The following TRERF1 variants were observed in gnomAD, a reference collection of about 807,000 sequenced individuals.
TRERF1 encodes the protein transcriptional-regulating factor 1.
A neutral mutation model predicts 122.9 loss-of-function variants in TRERF1; 27 were observed. That is an observed-to-expected ratio of 0.22 (90% CI 0.16 to 0.30). The LOEUF (loss-of-function observed/expected upper bound fraction) is 0.30, where lower values mean the gene tolerates loss of function less well. Ranked by LOEUF, TRERF1 falls within the 10% of genes least tolerant of loss-of-function variation. TRERF1 has a pLI of 1.00. For synonymous variants in TRERF1, 636 were observed against 641.7 expected, an observed-to-expected ratio of 0.99 and a Z score of 0.13; for missense variants, 1,248 against 1,560.3, an observed-to-expected ratio of 0.80 and a Z score of 3.37.
intron 4 of TRERF1, among the ~76,000 whole-genome samples, chr6:42,289,582 T>C (rs1343778598): frequency 2.0e-5 from 3 of 152,142 alleles, no homozygotes; most frequent in Middle Eastern, 3.2e-3. Flanking sequence ...GAGTGTAAAT[T>C]TTTGTAATAC....
intron 13 of TRERF1, among the ~76,000 whole-genome samples, chr6:42,249,577 C>G (rs1354541858): frequency 6.6e-6 from 1 of 152,190 alleles, no homozygotes; most frequent in Non-Finnish European, 1.5e-5. Context: ...GACTGCTGCT[C>G]TGTCATAGGA....
intron 2 of TRERF1, among the ~76,000 whole-genome samples, chr6:42,427,779 G>A (rs1783858749): frequency 6.6e-6 from 1 of 151,886 alleles, no homozygotes; most frequent in Non-Finnish European, 1.5e-5. Context: ...TGAACTCCTA[G>A]GCTCAAATGA....
chr6:42,288,754 AGGCTCT>A (rs1397435798), intron 4 of TRERF1, among the ~76,000 whole-genome samples: 1 of 151,988 alleles, frequency 6.6e-6, no homozygotes, highest in Non-Finnish European at 1.5e-5. Flanking sequence ...AGATGGGCAA[AGGCTCT>A]GTGGCAGGTG....
intron 2 of TRERF1, among the ~76,000 whole-genome samples, chr6:42,401,508 T>C (rs139637007): frequency 6.6e-6 from 1 of 152,274 alleles, no homozygotes; most frequent in African/African-American, 2.4e-5. Flanking sequence ...AGAGGCTACA[T>C]AACTTAACCA....
intron 2 of TRERF1, among the ~76,000 whole-genome samples, chr6:42,430,222 C>A (rs1010306321): frequency 6.6e-6 from 1 of 151,988 alleles, no homozygotes; most frequent in Non-Finnish European, 1.5e-5. Context: ...CTCTGCCACC[C>A]CATCCCATCA....
intron 3 of TRERF1, among the ~76,000 whole-genome samples, chr6:42,303,585 T>C (rs1786598501): frequency 6.6e-6 from 1 of 152,076 alleles, no homozygotes; most frequent in Non-Finnish European, 1.5e-5. Flanking sequence ...CACACTGTGC[T>C]CCAATCACTG....
At chr6:42,332,755 T>C (rs1765457467) in intron 3 of TRERF1, among the ~76,000 whole-genome samples, 1 of 152,188 alleles carries the variant, frequency 6.6e-6, no homozygotes, top group Non-Finnish European at 1.5e-5. Context: ...CCTGTCATTG[T>C]GCTTACTTTT....
intron 5 of TRERF1, among the ~76,000 whole-genome samples, chr6:42,266,415 C>A (rs1779202210): frequency 6.6e-6 from 1 of 152,114 alleles, no homozygotes; most frequent in African/African-American, 2.4e-5. Flanking sequence ...TCTCGAACTC[C>A]TGGGCTCAAG....
At chr6:42,238,479 G>A (rs1374572602) in intron 15 of TRERF1, among the ~76,000 whole-genome samples, 1 of 151,916 alleles carries the variant, frequency 6.6e-6, no homozygotes, top group Non-Finnish European at 1.5e-5. Flanking sequence ...AAAAATACAA[G>A]AACAAAAATC....
intron 2 of TRERF1, among the ~76,000 whole-genome samples, chr6:42,383,300 T>G (rs1382260637): frequency 1.3e-5 from 2 of 152,166 alleles, no homozygotes; most frequent in Admixed American, 1.3e-4. Flanking sequence ...TACATCCAAA[T>G]GTATCCTATT....
chr6:42,245,526 C>G (rs749848704), intron 14 of TRERF1, among the ~76,000 whole-genome samples: 6 of 152,262 alleles, frequency 3.9e-5, no homozygotes, highest in African/African-American at 7.2e-5. Context: ...ATGGCTCCAT[C>G]ATTCATCAGT....
intron 2 of TRERF1, among the ~76,000 whole-genome samples, chr6:42,366,625 G>A (rs1199580130): frequency 1.3e-5 from 2 of 152,182 alleles, no homozygotes; most frequent in Admixed American, 1.3e-4. Flanking sequence ...CTTCTTCAAG[G>A]GAGAGCTTGA....
intron 16 of TRERF1, among the ~76,000 whole-genome samples, chr6:42,235,870 G>T (rs1219307650): frequency 2.0e-5 from 3 of 152,206 alleles, no homozygotes; most frequent in African/African-American, 7.2e-5. Flanking sequence ...GCACAAGCTT[G>T]TGTGACACAC....
intron 4 of TRERF1, among the ~76,000 whole-genome samples, chr6:42,280,590 G>A (rs1230223425): frequency 6.6e-6 from 1 of 152,320 alleles, no homozygotes; most frequent in East Asian, 1.9e-4. Context: ...ACTTGGCCGT[G>A]CCTGACGACA....
At chr6:42,439,749 A>C (rs1235003500) in intron 2 of TRERF1, among the ~76,000 whole-genome samples, 1 of 152,170 alleles carries the variant, frequency 6.6e-6, no homozygotes, top group African/African-American at 2.4e-5. Context: ...GGCCTTCTGA[A>C]CTGTTAGAAA....
At chr6:42,317,009 A>G (rs1002520364) in intron 3 of TRERF1, among the ~76,000 whole-genome samples, 64 of 152,154 alleles carry the variant, frequency 4.2e-4, no homozygotes, top group African/African-American at 1.5e-3. Context: ...CTCTACCTGG[A>G]CCTGGGACTC....
chr6:42,225,441 C>CA (rs1769387208), exon 18 of TRERF1: 1 of 151,518 alleles, frequency 6.6e-6, no homozygotes, highest in African/African-American at 2.4e-5. Flanking sequence ...CTCTTGTTGC[C>CA]AAAATGTTAC....
At chr6:42,326,811 C>T (rs2150523252) in intron 3 of TRERF1, among the ~76,000 whole-genome samples, 1 of 152,312 alleles carries the variant, frequency 6.6e-6, no homozygotes. Context: ...GAAAATTAAA[C>T]AGCCAGACTG....
intron 3 of TRERF1, among the ~76,000 whole-genome samples, chr6:42,324,373 C>G (rs977320836): frequency 6.6e-6 from 1 of 152,170 alleles, no homozygotes; most frequent in Admixed American, 6.5e-5. Flanking sequence ...AAATGGCCAA[C>G]ATCATTTTTC....
Sources: gnomAD v4.1 joint callset for allele counts (sites outside exome capture counted in the v4.1 genomes callset) on GRCh38, gnomAD v4.1.1 for gene constraint, MANE v1.5 for transcripts, NCBI Gene and HGNC (gene_info 2026-07-23, HGNC 2026-07-21) for gene names.